Variants in NCKAP5 observed in about 807,000 individuals in gnomAD.
NCKAP5 encodes nck-associated protein 5.
A neutral mutation model predicts 167.0 loss-of-function variants in NCKAP5; 92 were observed. The ratio of observed to expected loss-of-function variants is 0.55; its 90% CI spans 0.47 to 0.66. The LOEUF is 0.66. NCKAP5 is among the 30% of genes least tolerant of loss of function. The pLI is 0.00. For synonymous variants in NCKAP5, 891 were observed against 877.4 expected (o/e 1.02, Z -0.27); for missense variants, 2,378 against 2,315.0 (o/e 1.03, Z -0.56).
At chr2:132,827,336 T>C (rs910768175) in intron 11 of NCKAP5, among the ~76,000 whole-genome samples, 21 of 152,342 alleles carry the variant, frequency 1.4e-4, no homozygotes, top group Non-Finnish European at 2.5e-4. Flanking sequence ...TTTTATGTGT[T>C]TGTTGGCCAT....
At chr2:133,203,283 C>G (rs1460396080) in intron 5 of NCKAP5, among the ~76,000 whole-genome samples, 4 of 152,028 alleles carry the variant, frequency 2.6e-5, no homozygotes, top group Non-Finnish European at 1.5e-5. Flanking sequence ...AGCAAACCAT[C>G]GCAACGACAG....
intron 19 of NCKAP5, among the ~76,000 whole-genome samples, chr2:132,700,935 G>T (rs552998354): frequency 0.024 from 3,543 of 149,538 alleles, 191 homozygotes; most frequent in African/African-American, 0.081. Context: ...CTGGGCGGGG[G>T]GGGGGGCTTT....
the NCKAP5 span, among the ~76,000 whole-genome samples, chr2:133,672,525 T>A: frequency 6.6e-6 from 1 of 152,116 alleles, no homozygotes; most frequent in African/African-American, 2.4e-5. Context: ...ACAAAACAGG[T>A]TCTTCACCAC....
chr2:133,413,892 A>T (rs755026405), intron 3 of NCKAP5, among the ~76,000 whole-genome samples: 8 of 152,168 alleles, frequency 5.3e-5, no homozygotes, highest in Non-Finnish European at 1.2e-4. Context: ...CTGTTTTTCT[A>T]TATAGAGGGA....
chr2:133,064,886 A>G (rs2080135219), intron 6 of NCKAP5, among the ~76,000 whole-genome samples: 1 of 152,216 alleles, frequency 6.6e-6, no homozygotes, highest in African/African-American at 2.4e-5. Flanking sequence ...AAAGTTTATT[A>G]AAGTGAATGG....
intron 3 of NCKAP5, among the ~76,000 whole-genome samples, chr2:133,463,313 T>G (rs919915838): frequency 1.3e-5 from 2 of 152,234 alleles, no homozygotes; most frequent in African/African-American, 4.8e-5. Flanking sequence ...TGACTCCAGA[T>G]GCATGCATAT....
intron 19 of NCKAP5, among the ~76,000 whole-genome samples, chr2:132,708,322 G>A (rs1332766498): frequency 6.6e-6 from 1 of 152,104 alleles, no homozygotes; most frequent in African/African-American, 2.4e-5. Context: ...GGCCAGAGGG[G>A]AGCCAACTGC....
At chr2:133,516,545 C>T (rs1194524960) in intron 3 of NCKAP5, among the ~76,000 whole-genome samples, 1 of 152,164 alleles carries the variant, frequency 6.6e-6, no homozygotes, top group Non-Finnish European at 1.5e-5. Flanking sequence ...GAGGCAGAGC[C>T]TCAGCCGCTA....
At chr2:132,708,777 T>C (rs1416723386) in intron 19 of NCKAP5, among the ~76,000 whole-genome samples, 1 of 152,248 alleles carries the variant, frequency 6.6e-6, no homozygotes, top group Non-Finnish European at 1.5e-5. Flanking sequence ...TATTGTTGTC[T>C]TCGTATTAGT....
intron 3 of NCKAP5, among the ~76,000 whole-genome samples, 190 bp downstream of exon 3, chr2:133,517,268 T>C (rs1684079616): frequency 6.6e-6 from 1 of 152,230 alleles, no homozygotes. Context: ...TAAGACACTA[T>C]ACAAACATTC....
the NCKAP5 span, among the ~76,000 whole-genome samples, chr2:133,627,696 A>G: frequency 1.3e-5 from 2 of 152,214 alleles, no homozygotes; most frequent in African/African-American, 4.8e-5. Flanking sequence ...AAAAAAAAAG[A>G]AAAAAGAAAG....
At chr2:133,109,780 G>A (rs1358562254) in intron 6 of NCKAP5, among the ~76,000 whole-genome samples, 1 of 150,482 alleles carries the variant, frequency 6.6e-6, no homozygotes, top group Non-Finnish European at 1.5e-5. Context: ...AAAAACTTAC[G>A]TAAAACCAAG....
At chr2:132,914,359 G>A (rs1694694015) in intron 8 of NCKAP5, among the ~76,000 whole-genome samples, 1 of 150,760 alleles carries the variant, frequency 6.6e-6, no homozygotes, top group African/African-American at 2.4e-5. Context: ...ATAATTCATT[G>A]TATAGTCTTT....
At chr2:133,586,586 C>T in the NCKAP5 span, among the ~76,000 whole-genome samples, 2 of 152,160 alleles carry the variant, frequency 1.3e-5, no homozygotes, top group East Asian at 3.8e-4. Flanking sequence ...GGCATCTTCA[C>T]ATAGATGTGA....
intron 8 of NCKAP5, among the ~76,000 whole-genome samples, chr2:132,944,593 G>A (rs563052050): frequency 3.3e-5 from 5 of 152,134 alleles, no homozygotes; most frequent in Non-Finnish European, 5.9e-5. Context: ...TAAGCTTCTC[G>A]ACCTCACCAC....
Position 133,080,781 on chromosome 2 carries a change from C to T in NCKAP5, c.341+49197G>A, listed in dbSNP as rs141710325. 2.2e-3 allele frequency among the ~76,000 whole-genome samples: 341 copies of T among 151,916 alleles called. 3 individuals are homozygous for T. Among genetic ancestry groups the T allele is most frequent in the African/African-American group, 8.0e-3 (331 of 41,424 alleles). ...AAGCAAATACAAATGTAAAAATTAG[C>T]CGAAAAAGGTACCGTGGCATTAGGA... On this transcript the variant is annotated intron_variant, in intron 6 of 19. Coordinates refer to ENST00000409261, the MANE Select transcript of NCKAP5 (RefSeq NM_207363.3).
intron 3 of NCKAP5, among the ~76,000 whole-genome samples, chr2:133,369,252 TC>T (rs1404123869): frequency 2.0e-5 from 3 of 152,114 alleles, no homozygotes; most frequent in Admixed American, 6.5e-5. Context: ...GAGGATGATG[TC>T]GTGGAAGTCA....
chr2:132,698,353 G>A (rs149168840), intron 19 of NCKAP5, among the ~76,000 whole-genome samples: 1 of 152,162 alleles, frequency 6.6e-6, no homozygotes, highest in South Asian at 2.1e-4. Flanking sequence ...TTATTCTTTA[G>A]AGCACAAAAG....
chr2:133,015,871 C>A (rs1022207599), intron 6 of NCKAP5, among the ~76,000 whole-genome samples: 1 of 152,098 alleles, frequency 6.6e-6, no homozygotes, highest in African/African-American at 2.4e-5. Context: ...AGGGGATTTA[C>A]AGAGCTTTTC....
Sources: gnomAD v4.1 joint callset for allele counts (sites outside exome capture counted in the v4.1 genomes callset) on GRCh38, gnomAD v4.1.1 for gene constraint, MANE v1.5 for transcripts, NCBI Gene and HGNC (gene_info 2026-07-23, HGNC 2026-07-21) for gene names.